Variants in ZFPM2 observed in about 807,000 individuals in gnomAD.
The protein encoded by ZFPM2 is zinc finger protein ZFPM2.
A neutral mutation model predicts 98.6 loss-of-function variants in ZFPM2; 20 were observed. The ratio of observed to expected loss-of-function variants is 0.20; its 90% confidence interval spans 0.14 to 0.29. The LOEUF is 0.29. Ranked by LOEUF, ZFPM2 falls within the 10% of genes least tolerant of loss-of-function variation. ZFPM2 has a pLI of 1.00. For synonymous variants in ZFPM2, 518 were observed against 502.7 expected (o/e 1.03, Z -0.41); for missense variants, 1,310 against 1,388.6 (o/e 0.94, Z 0.90).
At chr8:105,604,503 G>A (rs1252074633) in intron 4 of ZFPM2, among the ~76,000 whole-genome samples, 4 of 152,106 alleles carry the variant, frequency 2.6e-5, no homozygotes, top group South Asian at 2.1e-4. Context: ...AGTAAAATCC[G>A]AAACCTTTTC....
intron 5 of ZFPM2, among the ~76,000 whole-genome samples, chr8:105,701,895 A>G (rs1811149453): frequency 1.3e-5 from 2 of 152,210 alleles, no homozygotes; most frequent in Admixed American, 1.3e-4. Context: ...ATGTGCTTGC[A>G]CTATAGCAGT....
At chr8:105,581,128 A>G (rs372133406) in intron 4 of ZFPM2, among the ~76,000 whole-genome samples, 65 of 152,262 alleles carry the variant, frequency 4.3e-4, no homozygotes, top group African/African-American at 1.6e-3. Flanking sequence ...TTTATATACT[A>G]GATTTCCAGA....
intron 1 of ZFPM2, among the ~76,000 whole-genome samples, chr8:105,368,187 C>A (rs537108427): frequency 4.8e-5 from 7 of 144,942 alleles, no homozygotes; most frequent in Non-Finnish European, 1.1e-4. Flanking sequence ...CTAAAATTCT[C>A]TTTTTTGGTT....
intron 2 of ZFPM2, among the ~76,000 whole-genome samples, chr8:105,426,608 C>A (rs1396710569): frequency 1.3e-5 from 2 of 151,988 alleles, no homozygotes; most frequent in Non-Finnish European, 2.9e-5. Flanking sequence ...AATCATATAG[C>A]CATGCAAAAT....
rs192632039 is a variant in ZFPM2, at chr8:105,366,166, T to A, written c.40+47185T>A. On this transcript the variant is annotated intron_variant, in intron 1 of 7. Coordinates refer to ENST00000407775, the MANE Select transcript of ZFPM2 (RefSeq NM_012082.4). ...AATGACATATTGACTTGTGAACACA[T>A]TGAATTGAGGTCAGTTGCTTCTTCA... Among the ~76,000 whole-genome samples the A allele has an allele frequency of 3.3e-4, 50 of 152,178 alleles. 1 individual carries two copies. Among genetic ancestry groups the A allele is most frequent in the Admixed American group, 1.9e-3 (29 of 15,270 alleles).
intron 3 of ZFPM2, among the ~76,000 whole-genome samples, chr8:105,453,118 A>G (rs1468753448): frequency 6.6e-6 from 1 of 152,216 alleles, no homozygotes; most frequent in Non-Finnish European, 1.5e-5. Flanking sequence ...CTAGAAGGGT[A>G]ATATTGACTG....
intron 5 of ZFPM2, among the ~76,000 whole-genome samples, chr8:105,637,300 C>T (rs1458947951): frequency 6.6e-6 from 1 of 152,014 alleles, no homozygotes; most frequent in Non-Finnish European, 1.5e-5. Flanking sequence ...ACCACTCGGG[C>T]TTTTATCCCT....
At chr8:105,540,977 A>G (rs953779317) in intron 3 of ZFPM2, among the ~76,000 whole-genome samples, 4 of 152,110 alleles carry the variant, frequency 2.6e-5, no homozygotes, top group African/African-American at 9.7e-5. Flanking sequence ...CATGACTTTG[A>G]AACAGTTTTA....
intron 4 of ZFPM2, among the ~76,000 whole-genome samples, chr8:105,577,898 A>G (rs1815502972): frequency 6.6e-6 from 1 of 151,994 alleles, no homozygotes. Context: ...AATTATTGAG[A>G]ACTGTCTGTA....
At chr8:105,738,754 A>T (rs2131028952) in intron 5 of ZFPM2, among the ~76,000 whole-genome samples, 1 of 152,118 alleles carries the variant, frequency 6.6e-6, no homozygotes, top group South Asian at 2.1e-4. Flanking sequence ...TTTGATTTGC[A>T]TCTCTAATGA....
intron 4 of ZFPM2, among the ~76,000 whole-genome samples, chr8:105,605,875 T>C (rs1409941032): frequency 6.6e-6 from 1 of 152,062 alleles, no homozygotes; most frequent in Non-Finnish European, 1.5e-5. Flanking sequence ...AAGTTTTAGA[T>C]TGGAGGCTAT....
intron 5 of ZFPM2, among the ~76,000 whole-genome samples, chr8:105,657,796 C>T (rs1817313693): frequency 6.6e-6 from 1 of 152,096 alleles, no homozygotes; most frequent in East Asian, 1.9e-4. Flanking sequence ...CTAGGTTTGT[C>T]CAAGACACAA....
chr8:105,443,328 A>AAAAAAC, intron 2 of ZFPM2, among the ~76,000 whole-genome samples: 1 of 146,546 alleles, frequency 6.8e-6, no homozygotes, highest in African/African-American at 2.6e-5. Flanking sequence ...ACAAAAAACA[A>AAAAAAC]AAAAAAAAAA....
intron 3 of ZFPM2, among the ~76,000 whole-genome samples, chr8:105,539,332 A>G (rs1005354537): frequency 1.3e-5 from 2 of 152,196 alleles, no homozygotes; most frequent in Non-Finnish European, 2.9e-5. Context: ...CTTTAATTTG[A>G]TCCTGAAAAT....
chr8:105,751,904 G>A (rs953298445), intron 5 of ZFPM2, among the ~76,000 whole-genome samples: 1 of 152,018 alleles, frequency 6.6e-6, no homozygotes, highest in Non-Finnish European at 1.5e-5. Flanking sequence ...AGTGCTCATA[G>A]GTTTCAGAAT....
At chr8:105,681,184 TTTATA>T (rs1324816348) in intron 5 of ZFPM2, among the ~76,000 whole-genome samples, 2 of 152,136 alleles carry the variant, frequency 1.3e-5, no homozygotes, top group African/African-American at 4.8e-5. Context: ...ATATAAATTT[TTTATA>T]TTATATGACT....
intron 4 of ZFPM2, among the ~76,000 whole-genome samples, chr8:105,614,303 T>C (rs1171754224): frequency 1.3e-5 from 2 of 152,172 alleles, no homozygotes; most frequent in African/African-American, 2.4e-5. Context: ...TGCATTTCTT[T>C]GACTCATTTA....
chr8:105,663,782 T>C (rs1817436628), intron 5 of ZFPM2, among the ~76,000 whole-genome samples: 1 of 152,228 alleles, frequency 6.6e-6, no homozygotes, highest in Non-Finnish European at 1.5e-5. Flanking sequence ...AAAATTAAAA[T>C]TAAATTTCCA....
intron 3 of ZFPM2, among the ~76,000 whole-genome samples, chr8:105,495,837 ACTT>A (rs1467676998): frequency 6.6e-6 from 1 of 152,230 alleles, no homozygotes; most frequent in Non-Finnish European, 1.5e-5. Flanking sequence ...GTTTCACTGA[ACTT>A]CTTAATCACA....
Sources: allele counts gnomAD v4.1 joint callset (sites outside exome capture counted in the v4.1 genomes callset), GRCh38; gene constraint gnomAD v4.1.1; transcripts MANE v1.5; gene names NCBI Gene and HGNC (gene_info 2026-07-23, HGNC 2026-07-21).